AP3B1: variants seen among roughly 807,000 people sequenced by gnomAD.
AP3B1 encodes adaptor related protein complex 3 subunit beta 1, also known as AP-3 complex subunit beta-1.
A neutral mutation model predicts 132.5 loss-of-function variants in AP3B1; 61 were observed. The observed-to-expected ratio is 0.46, with a 90% CI of 0.37 to 0.57. The LOEUF (loss-of-function observed/expected upper bound fraction) is 0.57, where lower values mean the gene tolerates loss of function less well. Among genes scored for constraint, AP3B1 ranks in the 20% least tolerant of loss-of-function variants. AP3B1 has a pLI of 0.00. For synonymous variants in AP3B1, 388 were observed against 438.3 expected (o/e 0.89, Z 1.43); for missense variants, 1,120 against 1,289.4 (o/e 0.87, Z 2.01).
intron 3 of AP3B1, among the ~76,000 whole-genome samples, chr5:78,236,351 T>C (rs902603867): frequency 2.3e-5 from 3 of 128,624 alleles, no homozygotes; most frequent in African/African-American, 9.2e-5. Flanking sequence ...AACTAAAACA[T>C]AAAAGAAAAA....
chr5:78,219,101 A>C (rs1580502188), intron 6 of AP3B1, among the ~76,000 whole-genome samples: 1 of 152,122 alleles, frequency 6.6e-6, no homozygotes, highest in East Asian at 1.9e-4. Context: ...TCTATTCATT[A>C]AACATAATTT....
intron 3 of AP3B1, among the ~76,000 whole-genome samples, chr5:78,231,243 G>A (rs1054921423): frequency 2.0e-5 from 3 of 152,004 alleles, no homozygotes; most frequent in Non-Finnish European, 4.4e-5. Flanking sequence ...GCGATCTCGC[G>A]ACTTACTGCA....
chr5:78,072,990 G>A (rs988454996), intron 22 of AP3B1, among the ~76,000 whole-genome samples: 5 of 152,006 alleles, frequency 3.3e-5, no homozygotes, highest in Admixed American at 3.3e-4. Flanking sequence ...AAAGTGCTGG[G>A]ATTACAGGCG....
chr5:78,038,210 TA>T (rs1347282470), intron 23 of AP3B1, among the ~76,000 whole-genome samples: 8 of 152,210 alleles, frequency 5.3e-5, no homozygotes, highest in Non-Finnish European at 1.2e-4. Flanking sequence ...TCTCATTTTT[TA>T]AAATGTAAAA....
chr5:78,094,403 G>T (rs1353054186), intron 21 of AP3B1, among the ~76,000 whole-genome samples: 2 of 152,054 alleles, frequency 1.3e-5, no homozygotes, highest in African/African-American at 4.8e-5. Flanking sequence ...AATTACAAAT[G>T]AATAAAATGA....
intron 7 of AP3B1, among the ~76,000 whole-genome samples, chr5:78,193,770 A>ATATATATATATATATTTT: frequency 3.0e-5 from 2 of 67,216 alleles, no homozygotes; most frequent in African/African-American, 1.0e-4. Context: ...ATATATATAT[A>ATATATATATATATATTTT]TTTTTTTTTT....
intron 2 of AP3B1, among the ~76,000 whole-genome samples, chr5:78,262,596 C>T (rs1214279589): frequency 6.6e-6 from 1 of 152,118 alleles, no homozygotes; most frequent in African/African-American, 2.4e-5. Flanking sequence ...ATACGTTGTC[C>T]GTCTTTATTC....
chr5:78,039,214 T>G lies in AP3B1; in HGVS notation c.2638A>C (p.Lys880Gln), dbSNP rs1265547691. 1 of 1,614,174 alleles carries G rather than the reference T, an allele frequency of 6.2e-7. No individual in the cohort carries two copies. The highest frequency in any genetic ancestry group is 8.5e-7 in the Non-Finnish European group (1 of 1,180,010). ...THVLLHRMSGKGLAAHYFFPR... is the reference protein window; with the variant it reads ...THVLLHRMSGQGLAAHYFFPR... ...AAGAAATAATGGGCAGCTAGTCCTT[T>G]TCCACTCATTCGATGAAGCAGCACG... is the stretch of plus-strand genomic sequence containing the variant. Residue 880 changes from lysine to glutamine, a missense_variant, in exon 23 of 27, where the codon AAA (lysine) becomes CAA (glutamine). Lys to Gln is a moderately conservative substitution (Grantham distance 53). Coordinates refer to ENST00000255194, the MANE Select transcript of AP3B1 (RefSeq NM_003664.5).
At chr5:78,245,374 C>CACA (rs1747337300) in intron 2 of AP3B1, among the ~76,000 whole-genome samples, 1 of 152,218 alleles carries the variant, frequency 6.6e-6, no homozygotes, top group African/African-American at 2.4e-5. Flanking sequence ...CACGCCTGTT[C>CACA]ACATTCCAGT....
intron 22 of AP3B1, chr5:78,044,092 G>A (rs567969723): frequency 1.5e-5 from 5 of 327,522 alleles, no homozygotes; most frequent in Non-Finnish European, 2.4e-5. Flanking sequence ...CTGCCTGAAA[G>A]GCAAGTTTCC....
At chr5:78,169,607 T>G (rs952751134) in intron 11 of AP3B1, among the ~76,000 whole-genome samples, 1 of 152,088 alleles carries the variant, frequency 6.6e-6, no homozygotes, top group African/African-American at 2.4e-5. Context: ...TTTGATTTTT[T>G]TAAAGAGACA....
chr5:78,204,292 A>G (rs114426465), intron 7 of AP3B1, among the ~76,000 whole-genome samples: 1,801 of 152,344 alleles, frequency 0.012, 27 homozygotes, highest in African/African-American at 0.041. Flanking sequence ...TTCTGAAAAG[A>G]GTACATTCTT....
chr5:78,032,320 A>G (rs1358364112), intron 24 of AP3B1, among the ~76,000 whole-genome samples: 1 of 152,176 alleles, frequency 6.6e-6, no homozygotes, highest in African/African-American at 2.4e-5. Flanking sequence ...ATATGCTGTT[A>G]TTACCCATAA....
intron 22 of AP3B1, among the ~76,000 whole-genome samples, chr5:78,063,542 TA>T (rs1164510858): frequency 6.6e-6 from 1 of 152,204 alleles, no homozygotes; most frequent in Non-Finnish European, 1.5e-5. Flanking sequence ...TTTACATCTA[TA>T]AGCCTAAGTG....
At chr5:78,086,422 G>T (rs941741255) in intron 22 of AP3B1, among the ~76,000 whole-genome samples, 5 of 152,158 alleles carry the variant, frequency 3.3e-5, no homozygotes, top group Non-Finnish European at 5.9e-5. Context: ...TATGAGGTAG[G>T]TAGCATGATC....
chr5:78,215,914 A>C, intron 7 of AP3B1, 141 bp downstream of exon 7: 1 of 741,594 alleles, frequency 1.3e-6, no homozygotes, highest in African/African-American at 1.8e-5. Flanking sequence ...TGCCTGCTTT[A>C]GTAAAAGAAC....
chr5:78,167,998 C>T (rs545405582), intron 11 of AP3B1, among the ~76,000 whole-genome samples: 14 of 137,242 alleles, frequency 1.0e-4, no homozygotes, highest in African/African-American at 3.8e-4. Flanking sequence ...ACCACCTGTT[C>T]ACCAAAAACC....
chr5:78,007,128 C>T (rs1746428551), intron 26 of AP3B1, among the ~76,000 whole-genome samples: 1 of 152,170 alleles, frequency 6.6e-6, no homozygotes, highest in African/African-American at 2.4e-5. Context: ...ATAAATCATA[C>T]ATGTTCTTTG....
chr5:78,199,028 C>T (rs1392750937), intron 7 of AP3B1, among the ~76,000 whole-genome samples: 2 of 152,092 alleles, frequency 1.3e-5, no homozygotes, highest in African/African-American at 4.8e-5. Flanking sequence ...TGTTTTATAT[C>T]ACAGCCCAGT....
Sources: allele counts gnomAD v4.1 joint callset (sites outside exome capture counted in the v4.1 genomes callset), GRCh38; gene constraint gnomAD v4.1.1; transcripts MANE v1.5; gene names NCBI Gene and HGNC (gene_info 2026-07-23, HGNC 2026-07-21).